The following ASRGL1 variants were observed in gnomAD, a reference collection of about 807,000 sequenced individuals.
The protein encoded by ASRGL1 is isoaspartyl peptidase/L-asparaginase.
Under a neutral mutation model 22.4 loss-of-function variants are expected in ASRGL1, and 16 were observed. The observed-to-expected ratio is 0.71, with a 90% CI of 0.48 to 1.08. The LOEUF (loss-of-function observed/expected upper bound fraction) is 1.08. Ranked by LOEUF, ASRGL1 falls within the 50% of genes least tolerant of loss-of-function variation. ASRGL1 has a pLI of 0.00. For missense variants in ASRGL1, 412 were observed against 410.1 expected (o/e 1.00, Z -0.04); for synonymous variants, 165 against 159.3 (o/e 1.04, Z -0.27).
In ASRGL1 at chr11:62,392,558, G is replaced by T. The variant is rs144573552; in HGVS notation, c.*274G>T. ...CACTCCAGCCTGGGCAACAGAGCCA[G>T]GCCCTGTATCAAAAAAAAAAAAAAA... On this transcript the variant is annotated 3_prime_UTR_variant, in exon 7 of 7. Transcript: ENST00000415229. The T allele has an allele frequency of 1.3e-3, 545 of 416,572 alleles. 1 individual carries two copies. The highest frequency in any genetic ancestry group is 0.011 in the African/African-American group (499 of 44,018). The allele number at this position is 416,572 out of a possible 1,614,324, so 25.8% of individuals were successfully genotyped here.
chr11:62,368,140 A>G (rs1225813765), intron 4 of ASRGL1, among the ~76,000 whole-genome samples: 2 of 152,166 alleles, frequency 1.3e-5, no homozygotes, highest in East Asian at 3.9e-4. Context: ...CCACATTCAC[A>G]TAACTTTTAC....
At chr11:62,398,387 A>T (rs1450528464), downstream of ASRGL1, among the ~76,000 whole-genome samples, 1 of 151,978 alleles carries the variant, frequency 6.6e-6, no homozygotes, top group African/African-American at 2.4e-5. Context: ...CACAGCTAGG[A>T]GCCAGAGCTA....
rs1590742186 is a variant in ASRGL1, at chr11:62,372,364, A to G, written c.491+15220A>G. ...CCCAGCCCTGTGCAGATAATGTACA[A>G]CAGCCTGCCAATTACCAAAATGGCC... On this transcript the variant is annotated intron_variant, in intron 4 of 6. Transcript: ENST00000415229. 1.9e-6 allele frequency: 3 copies of G among 1,566,310 alleles called. No individual in the cohort carries two copies. In the East Asian group the frequency reaches 6.7e-5, roughly 35 times the overall value.
At chr11:62,390,807 A>G (rs1419537310) in intron 5 of ASRGL1, among the ~76,000 whole-genome samples, 1 of 152,286 alleles carries the variant, frequency 6.6e-6, no homozygotes, top group African/African-American at 2.4e-5. Context: ...AAGTAAGGCA[A>G]ATGTCAATCT....
At chr11:62,387,583 G>A (rs191697203) in intron 4 of ASRGL1, among the ~76,000 whole-genome samples, 74 of 152,276 alleles carry the variant, frequency 4.9e-4, no homozygotes, top group Non-Finnish European at 9.1e-4. Flanking sequence ...TTGTGCATCA[G>A]GAACGCTCCT....
chr11:62,338,803 G>T (rs1022052505), intron 2 of ASRGL1, among the ~76,000 whole-genome samples: 33 of 151,584 alleles, frequency 2.2e-4, no homozygotes, highest in Admixed American at 2.2e-3. Context: ...AAAAAAGCCA[G>T]GCGTGGTGCT....
At chr11:62,386,535 G>A (rs888283077) in intron 4 of ASRGL1, among the ~76,000 whole-genome samples, 1 of 68,984 alleles carries the variant, frequency 1.4e-5, no homozygotes, top group Admixed American at 1.5e-4. Context: ...GTTTATAGAG[G>A]TCAGCGCTAG....
At chr11:62,368,548 G>A (rs1028276835) in intron 4 of ASRGL1, among the ~76,000 whole-genome samples, 1 of 152,162 alleles carries the variant, frequency 6.6e-6, no homozygotes, top group African/African-American at 2.4e-5. Context: ...TGGGACGAGA[G>A]ACAGAGAAAA....
At chr11:62,348,012 A>G (rs1001135456) in intron 2 of ASRGL1, among the ~76,000 whole-genome samples, 5 of 152,200 alleles carry the variant, frequency 3.3e-5, no homozygotes, top group African/African-American at 1.2e-4. Flanking sequence ...AATCCACACT[A>G]ATAAACTGAT....
At chr11:62,390,673 T>C (rs2302359) in intron 5 of ASRGL1, among the ~76,000 whole-genome samples, 41,303 of 152,096 alleles carry the variant, frequency 0.27, 5,713 homozygotes, top group South Asian at 0.35. Context: ...TCATTGGCTG[T>C]CCAGTGTCAG....
Position 62,356,414 on chromosome 11 carries a change from G to T in ASRGL1, c.280G>T (p.Ala94Ser), listed in dbSNP as rs201870863. Reference protein sequence around the residue: ...GKDLSAGAVSAVQCIANPIKL... With the variant: ...GKDLSAGAVSSVQCIANPIKL... The stretch of plus-strand genomic sequence containing the variant: ...AGACCTGTCTGCAGGAGCAGTGTCC[G>T]CAGTCCAGTGTATAGCAAATCCCAT... Residue 94 changes from alanine (A) to serine (S), a missense_variant, in exon 3 of 7, where the codon GCA becomes TCA. Transcript: ENST00000415229. The T allele has an allele frequency of 2.4e-4, 390 of 1,614,196 alleles. 2 individuals carry two copies. The highest frequency in any genetic ancestry group is 2.3e-3 in the South Asian group (207 of 91,082).
chr11:62,362,331 C>G (rs944434803), intron 4 of ASRGL1, among the ~76,000 whole-genome samples: 1 of 149,460 alleles, frequency 6.7e-6, no homozygotes, highest in Non-Finnish European at 1.5e-5. Context: ...AAGAATTCAG[C>G]AAAACCATAA....
chr11:62,378,683 C>A (rs936974924), intron 4 of ASRGL1, among the ~76,000 whole-genome samples: 1 of 152,108 alleles, frequency 6.6e-6, no homozygotes, highest in Admixed American at 6.5e-5. Flanking sequence ...TGCCATCTGC[C>A]GGATTTTTTT....
At chr11:62,388,252 G>A (rs186485486) in intron 4 of ASRGL1, among the ~76,000 whole-genome samples, 8 of 152,318 alleles carry the variant, frequency 5.3e-5, no homozygotes, top group Admixed American at 4.6e-4. Flanking sequence ...GGTGGCACAT[G>A]ACTGTATTCG....
intron 2 of ASRGL1, among the ~76,000 whole-genome samples, chr11:62,341,429 G>A (rs1945860346): frequency 1.3e-5 from 2 of 152,014 alleles, no homozygotes; most frequent in South Asian, 2.1e-4. Flanking sequence ...TGGATCTCCT[G>A]ACTTCATGAT....
chr11:62,369,825 A>G (rs1220732942), intron 4 of ASRGL1, among the ~76,000 whole-genome samples: 7 of 152,166 alleles, frequency 4.6e-5, no homozygotes. Flanking sequence ...GGGGTGTAAT[A>G]CAAAAGTCCG....
At chr11:62,399,568 C>T in the ASRGL1 span, among the ~76,000 whole-genome samples, 1 of 152,214 alleles carries the variant, frequency 6.6e-6, no homozygotes, top group Non-Finnish European at 1.5e-5. Flanking sequence ...TGGCTACGGC[C>T]CTCCTGCCCC....
chr11:62,358,879 G>A (rs554513713), intron 4 of ASRGL1, among the ~76,000 whole-genome samples: 3 of 152,258 alleles, frequency 2.0e-5, no homozygotes, highest in African/African-American at 7.2e-5. Flanking sequence ...AACAGCAGAA[G>A]GACTTAGGTA....
At chr11:62,343,874 A>T (rs929569046) in intron 2 of ASRGL1, among the ~76,000 whole-genome samples, 23 of 151,220 alleles carry the variant, frequency 1.5e-4, no homozygotes, top group Admixed American at 3.9e-4. Context: ...CTAAATGGGA[A>T]GTGATATTTA....
Sources: gnomAD v4.1 joint callset for allele counts (sites outside exome capture counted in the v4.1 genomes callset) on GRCh38, gnomAD v4.1.1 for gene constraint, MANE v1.5 for transcripts, NCBI Gene and HGNC (gene_info 2026-07-23, HGNC 2026-07-21) for gene names.